The following TCAIM variants were observed in gnomAD, a reference collection of about 807,000 sequenced individuals.
The protein encoded by TCAIM is T-cell activation inhibitor, mitochondrial.
In TCAIM, 36 loss-of-function variants were observed where a neutral mutation model predicts 58.6. The observed-to-expected ratio is 0.61, with a 90% CI of 0.47 to 0.81. The LOEUF (loss-of-function observed/expected upper bound fraction) is 0.81, where lower values mean the gene tolerates loss of function less well. Among genes scored for constraint, TCAIM ranks in the 30% least tolerant of loss-of-function variants. The pLI is 0.00. For missense variants in TCAIM, 466 were observed against 579.6 expected, an observed-to-expected ratio of 0.80 and a Z score of 2.01; for synonymous variants, 172 against 193.6, an observed-to-expected ratio of 0.89 and a Z score of 0.93.
intron 2 of TCAIM, 97 bp downstream of exon 2, chr3:44,354,908 G>T: frequency 7.1e-7 from 1 of 1,404,414 alleles, no homozygotes; most frequent in Non-Finnish European, 9.7e-7. Flanking sequence ...TTCCAATTCT[G>T]AAGTTATATT....
At chr3:44,386,281 G>A (rs1254716195) in intron 5 of TCAIM, among the ~76,000 whole-genome samples, 6 of 151,106 alleles carry the variant, frequency 4.0e-5, no homozygotes, top group African/African-American at 4.9e-5. Context: ...TCCTGAGGCC[G>A]AGTGGGAGGA....
At position 44,362,700 on chromosome 3, in the gene TCAIM, C is replaced by T. The variant is rs114536990; in HGVS notation, c.319+1182C>T. On this transcript the variant is annotated intron_variant, in intron 4 of 10. Transcript: ENST00000342649. ...GCCCTTTTGTGAAGGAACAGGTATACTGAAGAATGCTGTAAATAATGAATA... is the reference window on the plus strand; with the variant it reads ...GCCCTTTTGTGAAGGAACAGGTATATTGAAGAATGCTGTAAATAATGAATA... 6.5e-3 allele frequency: 2,031 copies of T among 314,166 alleles called. 45 individuals are homozygous for T. Among genetic ancestry groups the T allele is most frequent in the African/African-American group, 0.04 (1,869 of 46,788 alleles). The allele number at this position is 314,166 out of a possible 1,614,324, so 19.5% of individuals were successfully genotyped here.
At chr3:44,355,138 T>TA (rs1286669623) in intron 2 of TCAIM, among the ~76,000 whole-genome samples, 2 of 152,266 alleles carry the variant, frequency 1.3e-5, no homozygotes, top group Non-Finnish European at 2.9e-5. Flanking sequence ...CTTTAGAGTT[T>TA]AAAAGAGGGA....
chr3:44,401,214 C>T lies in TCAIM; in HGVS notation c.1130C>T (p.Ala377Val). Residue 377 changes from alanine (A) to valine (V), a missense_variant, in exon 10 of 11, where the codon GCT becomes GTT. By Grantham distance (64) the Ala-to-Val change is moderately conservative (BLOSUM62 0). Transcript: ENST00000342649. The stretch of plus-strand genomic sequence containing the variant: ...ATATTTTATTGCAGTGACAGATATG[C>T]TCCAAGCTTGCATGAACTCGGGCAT... ...LQMILNSDRY[A>V]PSLHELGHFN... 1 of 1,613,806 alleles carries T rather than the reference C, an allele frequency of 6.2e-7. No homozygotes were observed. Among genetic ancestry groups the T allele is most frequent in the African/African-American group, 1.3e-5 (1 of 74,980 alleles).
chr3:44,388,899 G>A (rs1295529272), intron 5 of TCAIM, among the ~76,000 whole-genome samples: 1 of 152,166 alleles, frequency 6.6e-6, no homozygotes, highest in African/African-American at 2.4e-5. Context: ...CTTTCTAGTA[G>A]GGATTGGTTT....
At chr3:44,366,688 G>A (rs1271401259) in intron 4 of TCAIM, among the ~76,000 whole-genome samples, 3 of 150,684 alleles carry the variant, frequency 2.0e-5, no homozygotes, top group South Asian at 2.1e-4. Flanking sequence ...GGATAGTCTC[G>A]ATCTCCTGAC....
intron 5 of TCAIM, among the ~76,000 whole-genome samples, chr3:44,377,780 T>C (rs1471605779): frequency 6.6e-6 from 1 of 152,134 alleles, no homozygotes; most frequent in East Asian, 1.9e-4. Flanking sequence ...TCAAAGAAGA[T>C]ACCATGTACC....
intron 1 of TCAIM, among the ~76,000 whole-genome samples, chr3:44,342,365 A>C (rs547695862): frequency 6.6e-6 from 1 of 152,314 alleles, no homozygotes; most frequent in East Asian, 1.9e-4. Flanking sequence ...AGCAAAAGTA[A>C]CAGTTTGTGG....
chr3:44,406,520 G>A (rs560499244), intron 10 of TCAIM, among the ~76,000 whole-genome samples: 45 of 151,866 alleles, frequency 3.0e-4, no homozygotes, highest in Middle Eastern at 3.4e-3. Flanking sequence ...AAAGCAAACA[G>A]CACTTAAGAA....
At chr3:44,361,997 A>C (rs144725277) in intron 4 of TCAIM, among the ~76,000 whole-genome samples, 3 of 152,238 alleles carry the variant, frequency 2.0e-5, no homozygotes, top group Non-Finnish European at 4.4e-5. Context: ...CTTAGCAGAC[A>C]GCCACCTTTT....
At chr3:44,338,996 A>C (rs13086084) in intron 1 of TCAIM, among the ~76,000 whole-genome samples, 162 bp downstream of exon 1, 37,820 of 151,902 alleles carry the variant, frequency 0.25, 6,636 homozygotes, top group East Asian at 0.77. Flanking sequence ...CTACATTTTA[A>C]CTCGCTGTGA....
intron 2 of TCAIM, among the ~76,000 whole-genome samples, chr3:44,355,630 T>C (rs901304083): frequency 6.6e-6 from 1 of 152,210 alleles, no homozygotes; most frequent in Non-Finnish European, 1.5e-5. Context: ...AATGATTTCA[T>C]TGAACATTGT....
At chr3:44,403,499 A>C (rs1319318844) in intron 10 of TCAIM, among the ~76,000 whole-genome samples, 1 of 152,204 alleles carries the variant, frequency 6.6e-6, no homozygotes, top group Admixed American at 6.5e-5. Flanking sequence ...TCTAAATTTT[A>C]CATCTGCTTT....
chr3:44,363,986 T>C (rs895769403), intron 4 of TCAIM, among the ~76,000 whole-genome samples: 1 of 134,182 alleles, frequency 7.5e-6, no homozygotes, highest in Non-Finnish European at 1.5e-5. Flanking sequence ...TGGAGTGCAG[T>C]GGTGCAATCT....
At chr3:44,396,954 G>A in intron 8 of TCAIM, 120 bp downstream of exon 8, 1 of 898,448 alleles carries the variant, frequency 1.1e-6, no homozygotes, top group Non-Finnish European at 1.7e-6. Context: ...GTTTTTTAAT[G>A]TTTTTAATCG....
chr3:44,389,780 G>A (rs1490660204), intron 5 of TCAIM, among the ~76,000 whole-genome samples: 3 of 151,112 alleles, frequency 2.0e-5, no homozygotes, highest in Non-Finnish European at 4.4e-5. Context: ...TTCACCTAGA[G>A]GATAAGCTTC....
chr3:44,399,317 A>G (rs1701987193), intron 8 of TCAIM, among the ~76,000 whole-genome samples: 3 of 152,222 alleles, frequency 2.0e-5, no homozygotes, highest in Admixed American at 2.0e-4. Flanking sequence ...TAGTTACCAT[A>G]TATACATGAG....
At chr3:44,358,093 A>C (rs898363637) in intron 3 of TCAIM, 11 of 1,407,546 alleles carry the variant, frequency 7.8e-6, no homozygotes, top group Non-Finnish European at 1.0e-5. Flanking sequence ...GCTGTCATTT[A>C]AACTCTTTAG....
chr3:44,357,983 G>A, intron 3 of TCAIM, 107 bp downstream of exon 3: 1 of 1,425,814 alleles, frequency 7.0e-7, no homozygotes, highest in East Asian at 2.4e-5. Flanking sequence ...CTGTTGTGGT[G>A]ATATAATCAA....
Sources: gnomAD v4.1 joint callset for allele counts (sites outside exome capture counted in the v4.1 genomes callset) on GRCh38, gnomAD v4.1.1 for gene constraint, MANE v1.5 for transcripts, NCBI Gene and HGNC (gene_info 2026-07-23, HGNC 2026-07-21) for gene names.